The following ZCCHC7 variants were observed in gnomAD, a reference collection of about 807,000 sequenced individuals.
ZCCHC7 encodes the protein zinc finger CCHC domain-containing protein 7.
Under a neutral mutation model 52.0 loss-of-function variants are expected in ZCCHC7, and 35 were observed. The observed-to-expected ratio is 0.67, with a 90% CI of 0.51 to 0.89. The LOEUF (loss-of-function observed/expected upper bound fraction) is 0.89. Among genes scored for constraint, ZCCHC7 ranks in the 40% least tolerant of loss-of-function variants. ZCCHC7 has a pLI of 0.00. For missense variants in ZCCHC7, 574 were observed against 649.1 expected (o/e 0.88, Z 1.26); for synonymous variants, 217 against 221.5 (o/e 0.98, Z 0.18).
In ZCCHC7 at chr9:37,349,472, G is replaced by C. The variant is rs1821231415; in HGVS notation, c.1083+20G>C. Reference sequence around the variant, plus strand: ...GGACACGTAAGTTTGAGTGACATTTGGGCATGAAGCATTCTGTTGTCAGGG... The same window carrying C: ...GGACACGTAAGTTTGAGTGACATTTCGGCATGAAGCATTCTGTTGTCAGGG... On this transcript the variant is annotated intron_variant, in intron 7 of 8. Transcript: ENST00000336755. 6.2e-7 allele frequency: 1 copy of C among 1,608,122 alleles called. No individual in the cohort carries two copies. The highest frequency in any genetic ancestry group is 1.3e-5 in the African/African-American group (1 of 74,766).
chr9:37,183,892 G>T (rs1429493844), intron 2 of ZCCHC7, among the ~76,000 whole-genome samples: 1 of 152,132 alleles, frequency 6.6e-6, no homozygotes, highest in Non-Finnish European at 1.5e-5. Flanking sequence ...ATGCTATTCC[G>T]CCCTCTACCC....
rs990069781 is a variant in ZCCHC7 at position 37,126,913 on chromosome 9, T to G, written c.581T>G (p.Leu194Arg). Residue 194 changes from leucine to arginine, a missense_variant, in exon 2 of 9, where the codon CTT (leucine) becomes CGT (arginine). Physicochemically the swap from Leu to Arg is moderately radical, Grantham distance 102. Around this residue, in one of 3 missense-constraint regions of ZCCHC7, gnomAD observed 403 missense variants for 461.2 expected, o/e 0.87. Coordinates refer to ENST00000336755, the MANE Select transcript of ZCCHC7 (RefSeq NM_032226.3). ...DDKDDDILLN[L>R]VGCENSVTEG... ...AAAGATGATGATATCCTTCTCAACCTTGTGGGATGTGAAAACTCTGTTACT... is the reference window on the plus strand; with the variant it reads ...AAAGATGATGATATCCTTCTCAACCGTGTGGGATGTGAAAACTCTGTTACT... 6.2e-7 allele frequency: 1 copy of G among 1,613,804 alleles called. No homozygotes were observed. Among genetic ancestry groups the G allele is most frequent in the African/African-American group, 1.3e-5 (1 of 74,930 alleles).
chr9:37,317,901 C>A (rs1161828159), intron 5 of ZCCHC7, among the ~76,000 whole-genome samples: 2 of 144,710 alleles, frequency 1.4e-5, no homozygotes, highest in Non-Finnish European at 3.0e-5. Flanking sequence ...AATTGGCAGA[C>A]CATGGTTTGG....
intron 2 of ZCCHC7, among the ~76,000 whole-genome samples, chr9:37,175,785 C>A (rs1185682759): frequency 6.6e-6 from 1 of 152,104 alleles, no homozygotes; most frequent in Admixed American, 6.5e-5. Context: ...CCTCATTCCC[C>A]ACAAAATGAT....
At chr9:37,348,133 TG>T (rs1443183248) in intron 6 of ZCCHC7, among the ~76,000 whole-genome samples, 1 of 152,186 alleles carries the variant, frequency 6.6e-6, no homozygotes, top group Non-Finnish European at 1.5e-5. Flanking sequence ...CAGACTCTTC[TG>T]TCTCTACATA....
At chr9:37,164,096 A>G (rs1297217145) in intron 2 of ZCCHC7, among the ~76,000 whole-genome samples, 1 of 150,922 alleles carries the variant, frequency 6.6e-6, no homozygotes, top group Non-Finnish European at 1.5e-5. Flanking sequence ...TTTTTTTTTC[A>G]AAGTTGTTTT....
chr9:37,266,571 T>C (rs1215039769), intron 2 of ZCCHC7, among the ~76,000 whole-genome samples: 2 of 152,174 alleles, frequency 1.3e-5, no homozygotes, highest in African/African-American at 4.8e-5. Context: ...GGCACTAGAC[T>C]CAGTTTTAAA....
intron 2 of ZCCHC7, among the ~76,000 whole-genome samples, chr9:37,172,349 A>C (rs1053781583): frequency 1.3e-5 from 2 of 152,018 alleles, no homozygotes; most frequent in Non-Finnish European, 2.9e-5. Flanking sequence ...ACTTTTGATA[A>C]TTTTCTGAAC....
chr9:37,302,458 G>A (rs769900848), intron 3 of ZCCHC7, among the ~76,000 whole-genome samples: 3 of 152,032 alleles, frequency 2.0e-5, no homozygotes, highest in South Asian at 2.1e-4. Flanking sequence ...TCTCTCCTGC[G>A]GTGAGTCCTC....
chr9:37,249,969 G>A (rs894619293), intron 2 of ZCCHC7, among the ~76,000 whole-genome samples: 1 of 152,120 alleles, frequency 6.6e-6, no homozygotes, highest in Non-Finnish European at 1.5e-5. Flanking sequence ...AAGGCAGCAT[G>A]GTATTGTGAT....
At chr9:37,278,784 T>C (rs1230435600) in intron 2 of ZCCHC7, among the ~76,000 whole-genome samples, 1 of 152,176 alleles carries the variant, frequency 6.6e-6, no homozygotes, top group African/African-American at 2.4e-5. Context: ...ATCTTTAAAG[T>C]GCTTAGGGAA....
rs971586323 is a variant in ZCCHC7, at chr9:37,211,959, G to A, written c.610+85017G>A. On this transcript the variant is annotated intron_variant, in intron 2 of 8. Transcript: ENST00000336755. Reference sequence around the variant, plus strand: ...GACAGAATGGCATGAACCCGGAGGCGGAGCTTGCAGTGAGCCGAGATGGCG... The same window carrying A: ...GACAGAATGGCATGAACCCGGAGGCAGAGCTTGCAGTGAGCCGAGATGGCG... 9.8e-5 allele frequency among the ~76,000 whole-genome samples: 14 copies of A among 143,376 alleles called. 1 individual carries two copies. In the South Asian group the frequency reaches 1.8e-3, roughly 18 times the overall value. The allele number at this position is 143,376 out of a possible 152,430, so 94.1% of individuals were successfully genotyped here.
intron 2 of ZCCHC7, among the ~76,000 whole-genome samples, chr9:37,262,274 A>G (rs988618126): frequency 6.6e-6 from 1 of 151,800 alleles, no homozygotes; most frequent in African/African-American, 2.4e-5. Flanking sequence ...GTAGTTATTT[A>G]CAGAAAGTAC....
intron 2 of ZCCHC7, among the ~76,000 whole-genome samples, chr9:37,166,357 A>G (rs1412458683): frequency 2.6e-5 from 4 of 152,120 alleles, no homozygotes; most frequent in African/African-American, 9.7e-5. Context: ...AGATCGCGCC[A>G]CTGCACTCCA....
chr9:37,323,029 CACA>C (rs542308163), intron 5 of ZCCHC7, among the ~76,000 whole-genome samples: 2 of 152,136 alleles, frequency 1.3e-5, no homozygotes, highest in African/African-American at 2.4e-5. Context: ...CCTTAAATAT[CACA>C]ACAATCCTTT....
intron 2 of ZCCHC7, among the ~76,000 whole-genome samples, chr9:37,174,698 A>T (rs1262662011): frequency 1.3e-5 from 2 of 152,184 alleles, no homozygotes; most frequent in Non-Finnish European, 2.9e-5. Context: ...AAAAGGAGGG[A>T]GAGGGAATAT....
chr9:37,189,229 C>G (rs974270335), intron 2 of ZCCHC7, among the ~76,000 whole-genome samples: 2 of 151,624 alleles, frequency 1.3e-5, no homozygotes, highest in Non-Finnish European at 2.9e-5. Flanking sequence ...CAGATAAATC[C>G]ATCATCTGCA....
intron 7 of ZCCHC7, among the ~76,000 whole-genome samples, chr9:37,351,538 C>T (rs1411683599): frequency 6.6e-6 from 1 of 152,264 alleles, no homozygotes; most frequent in East Asian, 1.9e-4. Context: ...AACTCCTGGC[C>T]TCAAGCAATC....
intron 2 of ZCCHC7, among the ~76,000 whole-genome samples, chr9:37,157,140 C>CTG (rs1820857094): frequency 6.7e-6 from 1 of 150,172 alleles, no homozygotes; most frequent in African/African-American, 2.5e-5. Context: ...TGAATCAGTG[C>CTG]TGTGACACCA....
Sources: allele counts gnomAD v4.1 joint callset (sites outside exome capture counted in the v4.1 genomes callset), GRCh38; gene constraint gnomAD v4.1.1; regional missense constraint gnomAD v4.1.1; transcripts MANE v1.5; gene names NCBI Gene and HGNC (gene_info 2026-07-23, HGNC 2026-07-21).